AK5: variants seen among roughly 807,000 people sequenced by gnomAD.
AK5 encodes adenylate kinase isoenzyme 5.
In AK5, 27 loss-of-function variants were observed where a neutral mutation model predicts 69.5. That is an observed-to-expected ratio of 0.39 (90% confidence interval 0.29 to 0.54). AK5 has a LOEUF of 0.54. AK5 is among the 20% of genes least tolerant of loss of function. The pLI, the probability that AK5 is intolerant of heterozygous loss-of-function variation, is 0.71. For synonymous variants in AK5, 260 were observed against 244.4 expected (o/e 1.06, Z -0.60); for missense variants, 531 against 700.4 (o/e 0.76, Z 2.73).
At chr1:77,375,684 A>G (rs1393307600) in intron 6 of AK5, among the ~76,000 whole-genome samples, 13 of 152,192 alleles carry the variant, frequency 8.5e-5, no homozygotes. Context: ...GAATCATCTT[A>G]GTGCTGCACT....
In AK5 at chr1:77,340,469, A is replaced by C; in HGVS notation, c.792A>C (p.Pro264=). ...AGCGTGCAGAACAGCAGGGCCGACCAGACGACAATGTAAAAGCTACCCAAA... is the reference window on the plus strand; with the variant it reads ...AGCGTGCAGAACAGCAGGGCCGACCCGACGACAATGTAAAAGCTACCCAAA... ...LLKRAEQQGR[P]DDNVKATQRR... The change falls in exon 6 of 14, where the codon CCA becomes CCC. Residue 264 remains proline, a synonymous_variant. Coordinates refer to ENST00000354567, the MANE Select transcript of AK5 (RefSeq NM_174858.3). 6.2e-7 allele frequency: 1 copy of C among 1,614,200 alleles called. No individual in the cohort carries two copies. The highest frequency in any genetic ancestry group is 8.5e-7 in the Non-Finnish European group (1 of 1,180,000).
intron 6 of AK5, among the ~76,000 whole-genome samples, chr1:77,370,377 G>A (rs61783077): frequency 0.066 from 9,999 of 152,130 alleles, 470 homozygotes; most frequent in Middle Eastern, 0.11. Context: ...AAACTCACAC[G>A]CAACCTCAAA....
intron 12 of AK5, among the ~76,000 whole-genome samples, chr1:77,531,330 T>TG (rs1385740368): frequency 6.6e-6 from 1 of 152,216 alleles, no homozygotes; most frequent in Non-Finnish European, 1.5e-5. Context: ...GGGTTGCCAC[T>TG]GCAGGCTAGG....
chr1:77,318,139 GT>G (rs1660336516), intron 5 of AK5, among the ~76,000 whole-genome samples: 1 of 152,150 alleles, frequency 6.6e-6, no homozygotes, highest in Non-Finnish European at 1.5e-5. Context: ...TAGAAAAGAA[GT>G]TTAAGTGGCT....
chr1:77,497,048 C>T (rs917753746), intron 10 of AK5, among the ~76,000 whole-genome samples: 1 of 152,232 alleles, frequency 6.6e-6, no homozygotes, highest in African/African-American at 2.4e-5. Context: ...TGTTCTTTCG[C>T]TTTTCACAAT....
In AK5 at chr1:77,282,191, G is replaced by A. The variant is rs538987485; in HGVS notation, c.-123G>A. The A allele has an allele frequency of 3.6e-4, 305 of 859,130 alleles. 1 individual carries two copies. Among genetic ancestry groups the A allele is most frequent in the East Asian group, 2.4e-3 (75 of 31,426 alleles). The allele number at this position is 859,130 out of a possible 1,614,324, so 53.2% of individuals were successfully genotyped here. ...GGCGGAGAGGCTGAGCTGAGTGCGC[G>A]TGAGAAAGAGGGCTGCACCGCTGCT... On this transcript the variant is annotated 5_prime_UTR_variant, in exon 1 of 14. The change creates a new upstream start codon in the 5' untranslated region. Coordinates refer to ENST00000354567, the MANE Select transcript of AK5 (RefSeq NM_174858.3).
chr1:77,340,468 C>G lies in AK5; in HGVS notation c.791C>G (p.Pro264Arg), dbSNP rs761163766. ...LLKRAEQQGR[P>R]DDNVKATQRR... ...AAGCGTGCAGAACAGCAGGGCCGAC[C>G]AGACGACAATGTAAAAGCTACCCAA... is the stretch of plus-strand genomic sequence containing the variant. Residue 264 changes from proline (P) to arginine (R), a missense_variant, in exon 6 of 14, where the codon CCA (proline) becomes CGA (arginine). Pro to Arg is a moderately radical substitution (Grantham distance 103). Transcript: ENST00000354567. The G allele has an allele frequency of 6.2e-7, 1 of 1,614,004 alleles. No homozygotes were observed. Among genetic ancestry groups the G allele is most frequent in the African/African-American group, 1.3e-5 (1 of 74,898 alleles).
At chr1:77,399,277 C>T (rs768624286) in intron 6 of AK5, among the ~76,000 whole-genome samples, 6 of 152,196 alleles carry the variant, frequency 3.9e-5, no homozygotes, top group Non-Finnish European at 7.3e-5. Context: ...TCGGCCACTG[C>T]AGCCACCCTC....
chr1:77,544,302 T>C (rs6663792), intron 13 of AK5, among the ~76,000 whole-genome samples: 2 of 152,208 alleles, frequency 1.3e-5, no homozygotes, highest in Non-Finnish European at 2.9e-5. Flanking sequence ...TGTATACTAC[T>C]GTAGGCTTTA....
intron 6 of AK5, among the ~76,000 whole-genome samples, chr1:77,365,347 G>T (rs1439093905): frequency 1.3e-5 from 2 of 152,104 alleles, no homozygotes; most frequent in Non-Finnish European, 2.9e-5. Flanking sequence ...AAATTTTCCT[G>T]TCACCTGGGC....
At chr1:77,415,863 T>C (rs577933743) in intron 7 of AK5, among the ~76,000 whole-genome samples, 2 of 152,334 alleles carry the variant, frequency 1.3e-5, no homozygotes, top group East Asian at 3.9e-4. Context: ...TCTCAGGCAC[T>C]TTCTACATGA....
chr1:77,337,015 C>T (rs1192259739), intron 5 of AK5, among the ~76,000 whole-genome samples: 2 of 152,130 alleles, frequency 1.3e-5, no homozygotes, highest in East Asian at 1.9e-4. Context: ...ATTTCAAGGT[C>T]ATCTTTTTCA....
intron 6 of AK5, among the ~76,000 whole-genome samples, chr1:77,355,205 C>T (rs1557521905): frequency 6.6e-6 from 1 of 152,144 alleles, no homozygotes; most frequent in Non-Finnish European, 1.5e-5. Flanking sequence ...AGGTGAAATC[C>T]TTTTGGCTCA....
intron 6 of AK5, among the ~76,000 whole-genome samples, chr1:77,391,092 T>C (rs1425273726): frequency 6.6e-6 from 1 of 152,076 alleles, no homozygotes; most frequent in African/African-American, 2.4e-5. Context: ...AGAAGACACC[T>C]GTCATTGAGC....
At chr1:77,321,837 T>A (rs1660550930) in intron 5 of AK5, among the ~76,000 whole-genome samples, 1 of 152,156 alleles carries the variant, frequency 6.6e-6, no homozygotes, top group African/African-American at 2.4e-5. Flanking sequence ...AAGGAAGGAC[T>A]AATATTGTCT....
chr1:77,363,992 C>T (rs1163114675), intron 6 of AK5, among the ~76,000 whole-genome samples: 2 of 152,036 alleles, frequency 1.3e-5, no homozygotes, highest in African/African-American at 4.8e-5. Context: ...TTATTCATTG[C>T]TGTGCAATGC....
Position 77,558,702 on chromosome 1 carries a change from CAG to C in AK5, c.*34_*35del, listed in dbSNP as rs766251519. On this transcript the variant is annotated 3_prime_UTR_variant, in exon 14 of 14. Coordinates refer to ENST00000354567, the MANE Select transcript of AK5 (RefSeq NM_174858.3). The stretch of plus-strand genomic sequence containing the variant: ...AAATGCATGTTTGTTAGAATGGAAA[CAG>C]AAAAACATTAAAAAGTTCATTCCTT... 1.5e-5 allele frequency: 21 copies of C among 1,419,548 alleles called. 1 individual carries two copies. In the South Asian group the frequency reaches 2.5e-4, roughly 17 times the overall value. 87.9% of individuals were successfully genotyped at this position (1,419,548 alleles called of 1,614,324 possible).
chr1:77,412,154 G>A (rs1650086092), intron 7 of AK5, among the ~76,000 whole-genome samples: 1 of 152,176 alleles, frequency 6.6e-6, no homozygotes, highest in Non-Finnish European at 1.5e-5. Context: ...TGGAGGGGCT[G>A]ATTTAAGCCA....
At position 77,533,509 on chromosome 1, in the gene AK5, C is replaced by CAAA. The variant is rs10526328; in HGVS notation, c.1429-2314_1429-2312dup. 1.7e-4 allele frequency among the ~76,000 whole-genome samples: 16 copies of CAAA among 94,964 alleles called. 1 individual carries two copies. Among genetic ancestry groups the CAAA allele is most frequent in the African/African-American group, 3.0e-4 (6 of 20,074 alleles). 62.3% of individuals were successfully genotyped at this position (94,964 alleles called of 152,430 possible). A position where few individuals can be genotyped will look rare whatever the true frequency, so the allele number is the denominator to read the frequency against. ...AGGCTGCAGAGCAAGACTCTGTCAC[C>CAAA]AAAAAAAAAAAAAAAAAAAAAAAAA... is the stretch of plus-strand genomic sequence containing the variant. On this transcript the variant is annotated intron_variant, in intron 12 of 13. Coordinates refer to ENST00000354567, the MANE Select transcript of AK5 (RefSeq NM_174858.3).
Sources: allele counts gnomAD v4.1 joint callset (sites outside exome capture counted in the v4.1 genomes callset), GRCh38; gene constraint gnomAD v4.1.1; transcripts MANE v1.5; gene names NCBI Gene and HGNC (gene_info 2026-07-23, HGNC 2026-07-21).